PTPRC: variants seen among roughly 807,000 people sequenced by gnomAD.
PTPRC encodes receptor-type tyrosine-protein phosphatase C.
Under a neutral mutation model 155.9 loss-of-function variants are expected in PTPRC, and 44 were observed. That is an observed-to-expected ratio of 0.28 (90% CI 0.22 to 0.36). PTPRC has a LOEUF of 0.36. Ranked by LOEUF, PTPRC falls within the 10% of genes least tolerant of loss-of-function variation. The pLI is 1.00. For synonymous variants in PTPRC, 525 were observed against 533.1 expected (o/e 0.98, Z 0.21); for missense variants, 1,401 against 1,564.6 (o/e 0.90, Z 1.76).
At chr1:198,752,164 GAGAA>G in intron 29 of PTPRC, 81 bp from the exon 30 acceptor site, 18 of 1,444,128 alleles carry the variant, frequency 1.2e-5, no homozygotes, top group Non-Finnish European at 1.7e-5. Flanking sequence ...GGCACAGACA[GAGAA>G]AGAAAGGGAG....
At chr1:198,663,690 A>G (rs554099143) in intron 2 of PTPRC, among the ~76,000 whole-genome samples, 1 of 152,262 alleles carries the variant, frequency 6.6e-6, no homozygotes, top group Admixed American at 6.5e-5. Flanking sequence ...TTAAATCCCA[A>G]CTCTGCCACT....
intron 2 of PTPRC, among the ~76,000 whole-genome samples, chr1:198,648,916 ATT>A (rs374390398): frequency 6.6e-6 from 1 of 151,240 alleles, no homozygotes; most frequent in African/African-American, 2.4e-5. Flanking sequence ...AAGTATCTAG[ATT>A]TTTTTTTGTT....
At chr1:198,724,978 T>C (rs1238079544) in intron 15 of PTPRC, among the ~76,000 whole-genome samples, 1 of 152,048 alleles carries the variant, frequency 6.6e-6, no homozygotes, top group South Asian at 2.1e-4. Flanking sequence ...ATTTTTGTAT[T>C]TTTAGTAGAG....
intron 32 of PTPRC, 68 bp downstream of exon 32, chr1:198,754,472 T>G (rs1655534879): frequency 6.4e-7 from 1 of 1,561,090 alleles, no homozygotes; most frequent in Admixed American, 1.7e-5. Flanking sequence ...GGTTTCCTTT[T>G]TTCTTTTCTC....
At chr1:198,645,706 C>T (rs1316091062) in intron 2 of PTPRC, among the ~76,000 whole-genome samples, 1 of 151,736 alleles carries the variant, frequency 6.6e-6, no homozygotes, top group Non-Finnish European at 1.5e-5. Flanking sequence ...ACACTGTGAG[C>T]AGATAAAGGG....
At chr1:198,667,121 A>G (rs1206252592) in intron 2 of PTPRC, 2 of 152,222 alleles carry the variant, frequency 1.3e-5, no homozygotes, top group African/African-American at 2.4e-5. Flanking sequence ...GCAAAAAGAA[A>G]GGGAAGGCAA....
chr1:198,679,164 G>A (rs890601302), intron 2 of PTPRC: 6 of 213,232 alleles, frequency 2.8e-5, no homozygotes, highest in Admixed American at 2.5e-4. Context: ...CCTGCAGTTT[G>A]GGCACATAGT....
chr1:198,683,748 G>A lies in PTPRC; in HGVS notation c.74-8599G>A, dbSNP rs186620546. Among the ~76,000 whole-genome samples the A allele has an allele frequency of 1.1e-3, 171 of 152,074 alleles. 1 individual carries two copies. The highest frequency in any genetic ancestry group is 4.0e-3 in the African/African-American group (165 of 41,500). ...CCAGTCAGGATTAATACAAATAAAG[G>A]ATTGATATTTTTTCTTCCTCAGGAT... On this transcript the variant is annotated intron_variant, in intron 2 of 32. Transcript: ENST00000442510.
intron 2 of PTPRC, among the ~76,000 whole-genome samples, chr1:198,682,522 C>G (rs1665391871): frequency 6.6e-6 from 1 of 152,094 alleles, no homozygotes; most frequent in Non-Finnish European, 1.5e-5. Flanking sequence ...AAACACGTTT[C>G]TACATAACTA....
Position 198,742,277 on chromosome 1 carries a change from G to A in PTPRC, c.2607G>A (p.Met869Ile), listed in dbSNP as rs770932386. Residue 869 changes from methionine (M) to isoleucine (I), a missense_variant, in exon 25 of 33, where the codon ATG becomes ATA. Around this residue, in one of 3 missense-constraint regions of PTPRC, gnomAD observed 134 missense variants for 204.7 expected, o/e 0.65. Coordinates refer to ENST00000442510, the MANE Select transcript of PTPRC (RefSeq NM_002838.5). ...GAACCTATATCGGAATTGATGCCAT[G>A]CTAGAAGGCCTGGAAGCCGAGAACA... ...RTGTYIGIDA[M>I]LEGLEAENKV... 4.6e-5 allele frequency: 74 copies of A among 1,612,208 alleles called. No homozygotes were observed. Among genetic ancestry groups the A allele is most frequent in the Admixed American group, 1.0e-4 (6 of 59,784 alleles).
chr1:198,749,338 C>G lies in PTPRC; in HGVS notation c.2939-78C>G, dbSNP rs917228827. Reference sequence around the variant, plus strand: ...AATACAATCTGTCCCTTTTTAAATACTTTCAAATTTCCACATGACAATGAA... The same window carrying G: ...AATACAATCTGTCCCTTTTTAAATAGTTTCAAATTTCCACATGACAATGAA... On this transcript the variant is annotated intron_variant, in intron 27 of 32. Coordinates refer to ENST00000442510, the MANE Select transcript of PTPRC (RefSeq NM_002838.5). The G allele has an allele frequency of 8.4e-5, 118 of 1,411,626 alleles. 1 individual carries two copies. Among genetic ancestry groups the G allele is most frequent in the Non-Finnish European group, 1.1e-4 (115 of 1,007,970 alleles). The allele number at this position is 1,411,626 out of a possible 1,614,324, so 87.4% of individuals were successfully genotyped here. A position where few individuals can be genotyped will look rare whatever the true frequency, so the allele number is the denominator to read the frequency against.
intron 2 of PTPRC, among the ~76,000 whole-genome samples, chr1:198,678,316 T>C (rs1665078279): frequency 6.6e-6 from 1 of 152,232 alleles, no homozygotes; most frequent in Non-Finnish European, 1.5e-5. Flanking sequence ...ATGACTACCA[T>C]TTATAGAACT....
intron 26 of PTPRC, among the ~76,000 whole-genome samples, chr1:198,747,433 C>G (rs1219454141): frequency 6.6e-6 from 1 of 151,654 alleles, no homozygotes; most frequent in Admixed American, 6.6e-5. Context: ...TTGTTGTCCT[C>G]TTATAGTGAT....
At chr1:198,664,892 A>C (rs774371736) in intron 2 of PTPRC, among the ~76,000 whole-genome samples, 58 of 151,964 alleles carry the variant, frequency 3.8e-4, no homozygotes, top group Non-Finnish European at 3.7e-4. Flanking sequence ...ACTTTGTGAT[A>C]CTCCCATATT....
At chr1:198,672,516 C>G (rs1664700585) in intron 2 of PTPRC, among the ~76,000 whole-genome samples, 1 of 152,250 alleles carries the variant, frequency 6.6e-6, no homozygotes, top group East Asian at 1.9e-4. Context: ...GTTGCCCAGG[C>G]TGGAGTGCAG....
At chr1:198,658,338 A>G (rs2102241017) in intron 2 of PTPRC, among the ~76,000 whole-genome samples, 1 of 152,270 alleles carries the variant, frequency 6.6e-6, no homozygotes, top group Non-Finnish European at 1.5e-5. Flanking sequence ...ATGACTGGTA[A>G]TCTGATAGTA....
chr1:198,750,307 C>T, intron 28 of PTPRC, 185 bp from the exon 29 acceptor site: 1 of 642,034 alleles, frequency 1.6e-6, no homozygotes, highest in Non-Finnish European at 2.7e-6. Flanking sequence ...CTAAGAATTA[C>T]TATTATCTGT....
intron 25 of PTPRC, among the ~76,000 whole-genome samples, 192 bp from the exon 26 acceptor site, chr1:198,743,862 A>C (rs1264291650): frequency 1.3e-5 from 2 of 151,882 alleles, no homozygotes; most frequent in African/African-American, 4.8e-5. Flanking sequence ...ATCTGAAAAT[A>C]GAATTTGCTC....
intron 3 of PTPRC, chr1:198,694,176 G>T: frequency 6.7e-7 from 1 of 1,489,912 alleles, no homozygotes. Context: ...GGAACTTGGA[G>T]TCTGATGTTC....
Sources: gnomAD v4.1 joint callset for allele counts (sites outside exome capture counted in the v4.1 genomes callset) on GRCh38, gnomAD v4.1.1 for gene constraint, gnomAD v4.1.1 regional missense constraint, MANE v1.5 for transcripts, NCBI Gene and HGNC (gene_info 2026-07-23, HGNC 2026-07-21) for gene names.